Variants in JMJD1C observed in about 807,000 individuals in gnomAD.
JMJD1C encodes the protein jumonji domain containing 1C, also known as jumonji domain-containing protein 1C.
Under a neutral mutation model 245.3 loss-of-function variants are expected in JMJD1C, and 31 were observed. The ratio of observed to expected loss-of-function variants is 0.13; its 90% CI spans 0.09 to 0.17. JMJD1C has a LOEUF of 0.17. Among genes scored for constraint, JMJD1C ranks in the 10% least tolerant of loss-of-function variants. JMJD1C has a pLI of 1.00. For missense variants in JMJD1C, 2,691 were observed against 3,000.2 expected (o/e 0.90, Z 2.41); for synonymous variants, 1,057 against 1,017.4 (o/e 1.04, Z -0.74).
rs145177901 is a variant in JMJD1C, at chr10:63,382,182, G to A, written c.169-1700C>T. ...GCCAAGATCAGGCCACTGCACACCA[G>A]CCTGGGTGATAAGAGCAAAACTCCG... On this transcript the variant is annotated intron_variant, in intron 1 of 25. Coordinates refer to ENST00000399262, the MANE Select transcript of JMJD1C (RefSeq NM_032776.3). Among the ~76,000 whole-genome samples the A allele has an allele frequency of 5.8e-4, 88 of 152,324 alleles. 1 individual carries two copies. Among genetic ancestry groups the A allele is most frequent in the Admixed American group, 2.0e-3 (31 of 15,308 alleles).
chr10:63,361,101 TTAAG>T (rs1355142770), intron 2 of JMJD1C, among the ~76,000 whole-genome samples: 6 of 152,218 alleles, frequency 3.9e-5, no homozygotes, highest in Admixed American at 1.3e-4. Flanking sequence ...AATTTTAAAC[TTAAG>T]TGAGTTATTT....
intron 13 of JMJD1C, chr10:63,194,792 T>G: frequency 6.0e-6 from 1 of 168,066 alleles, no homozygotes; most frequent in Non-Finnish European, 1.3e-5. Context: ...TTTCCTCTTA[T>G]GCTTCAAAGA....
At chr10:63,506,812 T>C (rs1954732678) in intron 1 of JMJD1C, among the ~76,000 whole-genome samples, 1 of 152,206 alleles carries the variant, frequency 6.6e-6, no homozygotes, top group Non-Finnish European at 1.5e-5. Flanking sequence ...GGGTTCACTC[T>C]TGATGTTGTG....
chr10:63,307,582 T>C (rs1282999193), intron 2 of JMJD1C, among the ~76,000 whole-genome samples: 3 of 152,016 alleles, frequency 2.0e-5, no homozygotes, highest in Non-Finnish European at 4.4e-5. Flanking sequence ...ACCAACCCAC[T>C]GTATGCCATA....
rs747348786 is a variant in JMJD1C at position 63,380,347 on chromosome 10, T to C, written c.304A>G (p.Lys102Glu). The change falls in exon 2 of 26, where the codon AAG becomes GAG. Residue 102 changes from lysine to glutamate, a missense_variant. Coordinates refer to ENST00000399262, the MANE Select transcript of JMJD1C (RefSeq NM_032776.3). ...GCAGGCCACTGAATCTGTTTGCTCTTTGATCCCTGAGTCTGGCTAGGGTCA... is the reference window on the plus strand; with the variant it reads ...GCAGGCCACTGAATCTGTTTGCTCTCTGATCCCTGAGTCTGGCTAGGGTCA... ...RNDPSQTQGS[K>E]SKQIQWPALT... 6.8e-6 allele frequency: 11 copies of C among 1,614,026 alleles called. No homozygotes were observed. The African/African-American group carries it at 1.1e-4, about 16-fold the overall frequency.
chr10:63,207,964 C>T lies in JMJD1C; in HGVS notation c.3705G>A (p.Val1235=). 6.2e-7 allele frequency: 1 copy of T among 1,614,180 alleles called. No homozygotes were observed. Among genetic ancestry groups the T allele is most frequent in the Non-Finnish European group, 8.5e-7 (1 of 1,180,018 alleles). Residue 1235 remains valine, a synonymous_variant, in exon 10 of 26, where the codon GTG becomes GTA. Coordinates refer to ENST00000399262, the MANE Select transcript of JMJD1C (RefSeq NM_032776.3). ...CTTTACCACCAGCATTTACTGGCAT[C>T]ACCGGAGTTAAAGTTGGAGGGGAAA... ...SSLSPPTLTP[V]MPVNAGGKVQ...
intron 1 of JMJD1C, chr10:63,427,887 A>G (rs1377760036): frequency 9.1e-6 from 7 of 766,502 alleles, no homozygotes; most frequent in African/African-American, 3.4e-5. Flanking sequence ...TGGCAGCTAC[A>G]GAGAAGGCAA....
chr10:63,500,763 G>GGATT (rs1954527861), intron 1 of JMJD1C, among the ~76,000 whole-genome samples: 1 of 148,154 alleles, frequency 6.7e-6, no homozygotes, highest in Non-Finnish European at 1.5e-5. Context: ...ATGGATGGAT[G>GGATT]GATGGATGGA....
intron 1 of JMJD1C, among the ~76,000 whole-genome samples, chr10:63,387,563 G>A (rs536329480): frequency 7.3e-6 from 1 of 136,520 alleles, no homozygotes; most frequent in African/African-American, 3.0e-5. Flanking sequence ...TCAAATAGAA[G>A]AAAAAAATCT....
chr10:63,273,321 A>T (rs1184058705), intron 2 of JMJD1C, among the ~76,000 whole-genome samples: 1 of 152,226 alleles, frequency 6.6e-6, no homozygotes, highest in Admixed American at 6.5e-5. Context: ...TCTCCTGAGC[A>T]GCTGGGACTA....
chr10:63,328,564 T>G (rs1477004818), intron 2 of JMJD1C, among the ~76,000 whole-genome samples: 1 of 152,232 alleles, frequency 6.6e-6, no homozygotes, highest in Non-Finnish European at 1.5e-5. Flanking sequence ...ATATCAGAAG[T>G]AATTTTCTGT....
At chr10:63,303,553 G>T (rs535350367) in intron 2 of JMJD1C, among the ~76,000 whole-genome samples, 1 of 152,244 alleles carries the variant, frequency 6.6e-6, no homozygotes, top group Admixed American at 6.5e-5. Context: ...TGATCTGCCC[G>T]CCTTGGCTTC....
At chr10:63,198,291 G>C (rs2133062147) in intron 12 of JMJD1C, among the ~76,000 whole-genome samples, 1 of 152,286 alleles carries the variant, frequency 6.6e-6, no homozygotes, top group Admixed American at 6.5e-5. Context: ...TGTAATGGCA[G>C]AAACAGCAAA....
At chr10:63,471,677 T>C (rs1388392357) in intron 1 of JMJD1C, among the ~76,000 whole-genome samples, 1 of 152,154 alleles carries the variant, frequency 6.6e-6, no homozygotes, top group Admixed American at 6.5e-5. Context: ...TAAATAACAG[T>C]TTTTAAACAT....
chr10:63,333,409 A>G (rs1009440323), intron 2 of JMJD1C, among the ~76,000 whole-genome samples: 3 of 152,122 alleles, frequency 2.0e-5, no homozygotes, highest in African/African-American at 7.2e-5. Flanking sequence ...AAGAAAAATT[A>G]GCCAGCCATG....
chr10:63,465,586 T>A lies in JMJD1C; in HGVS notation c.77A>T (p.Glu26Val). ...CVAVGDEARS[E>V]RWESGRGWRS... ...CCAGCCGCGTCCGCTCTCCCAGCGC[T>A]CCGAACGTGCCTCGTCGCCGACCGC... The change falls in exon 1 of 26, where the codon GAG (glutamate) becomes GTG (valine). Residue 26 changes from glutamate to valine, a missense_variant. Glu to Val is a moderately radical substitution (Grantham distance 121). Transcript: ENST00000399262. 1 of 1,609,284 alleles carries A rather than the reference T, an allele frequency of 6.2e-7. No individual in the cohort carries two copies. Among genetic ancestry groups the A allele is most frequent in the Non-Finnish European group, 8.5e-7 (1 of 1,179,830 alleles).
At position 63,476,851 on chromosome 10, in the gene JMJD1C, G is replaced by A. The variant is rs568129115; in HGVS notation, n.113+44887C>T. Among the ~76,000 whole-genome samples, 3 of 152,268 alleles carry A rather than the reference G, an allele frequency of 2.0e-5. No individual in the cohort carries two copies. In the South Asian group the frequency reaches 6.2e-4, roughly 32 times the overall value. On this transcript the variant is annotated intron_variant and non_coding_transcript_variant, in intron 1 of 3. Transcript: ENST00000633035. ...AGGGTGAGGCAAGAGGACCACTTGA[G>A]GCCAGCAGATCAAAGCTGCAGAAAG...
chr10:63,404,057 G>C (rs899614432), intron 1 of JMJD1C, among the ~76,000 whole-genome samples: 2 of 152,128 alleles, frequency 1.3e-5, no homozygotes, highest in Admixed American at 1.3e-4. Context: ...AGAGGTTGCA[G>C]TGAGCTGAAA....
chr10:63,280,249 T>C (rs1314880707), intron 2 of JMJD1C, among the ~76,000 whole-genome samples: 1 of 151,488 alleles, frequency 6.6e-6, no homozygotes. Flanking sequence ...TATGTACGAT[T>C]ATTTAAAAAG....
Sources: gnomAD v4.1 joint callset for allele counts (sites outside exome capture counted in the v4.1 genomes callset) on GRCh38, gnomAD v4.1.1 for gene constraint, MANE v1.5 for transcripts, NCBI Gene and HGNC (gene_info 2026-07-23, HGNC 2026-07-21) for gene names.